Variants in SCAPER observed in about 807,000 individuals in gnomAD.
SCAPER encodes S phase cyclin A-associated protein in the endoplasmic reticulum.
Under a neutral mutation model 182.2 loss-of-function variants are expected in SCAPER, and 98 were observed. The observed-to-expected ratio is 0.54, with a 90% CI of 0.46 to 0.64. SCAPER has a LOEUF of 0.64. SCAPER is among the 30% of genes least tolerant of loss of function. The pLI is 0.00. For synonymous variants in SCAPER, 605 were observed against 564.6 expected (o/e 1.07, Z -1.01); for missense variants, 1,432 against 1,690.0 (o/e 0.85, Z 2.68).
intron 23 of SCAPER, among the ~76,000 whole-genome samples, chr15:76,505,218 A>G (rs1482723462): frequency 6.6e-6 from 1 of 152,210 alleles, no homozygotes; most frequent in Non-Finnish European, 1.5e-5. Flanking sequence ...TGGCAAGCAC[A>G]GGCAACCAAA....
intron 1 of SCAPER, among the ~76,000 whole-genome samples, chr15:76,891,205 C>A (rs189320680): frequency 6.6e-6 from 1 of 152,232 alleles, no homozygotes; most frequent in Admixed American, 6.5e-5. Flanking sequence ...AAACCCATAG[C>A]CAAGATCATA....
chr15:76,893,710 T>TA, intron 1 of SCAPER, among the ~76,000 whole-genome samples: 1 of 152,282 alleles, frequency 6.6e-6, no homozygotes, highest in South Asian at 2.1e-4. Context: ...ATTTAAATGA[T>TA]ATCAAGTATC....
chr15:76,878,259 A>C (rs1255239104), intron 2 of SCAPER, among the ~76,000 whole-genome samples: 1 of 152,220 alleles, frequency 6.6e-6, no homozygotes, highest in Non-Finnish European at 1.5e-5. Context: ...TTTCATACAC[A>C]CAAAGAGAGA....
At chr15:76,866,260 C>T (rs543773524) in intron 2 of SCAPER, among the ~76,000 whole-genome samples, 14 of 146,144 alleles carry the variant, frequency 9.6e-5, no homozygotes, top group South Asian at 4.3e-4. Flanking sequence ...TGTGTGTGTG[C>T]GTGTGTGTGT....
At chr15:76,356,989 T>C (rs985240517) in intron 29 of SCAPER, among the ~76,000 whole-genome samples, 1 of 152,136 alleles carries the variant, frequency 6.6e-6, no homozygotes, top group Admixed American at 6.5e-5. Context: ...AAATGGAACC[T>C]TGTTCCTGGA....
chr15:76,353,514 TTTTA>T (rs1440970498), intron 30 of SCAPER, among the ~76,000 whole-genome samples: 2 of 152,222 alleles, frequency 1.3e-5, no homozygotes, highest in Admixed American at 1.3e-4. Context: ...TATAACAGGT[TTTTA>T]TTTTATACAT....
chr15:76,772,268 T>C (rs940948472), intron 9 of SCAPER, among the ~76,000 whole-genome samples: 5 of 152,004 alleles, frequency 3.3e-5, no homozygotes, highest in Non-Finnish European at 7.4e-5. Flanking sequence ...CCTTCGCAAA[T>C]GAAATCTAGT....
chr15:76,667,642 A>C (rs1343622176), intron 20 of SCAPER, among the ~76,000 whole-genome samples: 7 of 102,720 alleles, frequency 6.8e-5, no homozygotes, highest in African/African-American at 3.3e-4. Context: ...AAAAAAAAAA[A>C]AAAAAAAAAA....
chr15:76,814,963 GT>G (rs1449055714), intron 5 of SCAPER, among the ~76,000 whole-genome samples: 1 of 151,772 alleles, frequency 6.6e-6, no homozygotes, highest in East Asian at 1.9e-4. Context: ...ATCTGAAGAA[GT>G]TTTTTTCCAA....
chr15:76,350,132 A>T lies in SCAPER; in HGVS notation c.4099+1105T>A, dbSNP rs953170672. 5 of 152,340 alleles carry T rather than the reference A, an allele frequency of 3.3e-5. No individual in the cohort carries two copies. In the East Asian group the frequency reaches 5.8e-4, roughly 18 times the overall value. The allele number at this position is 152,340 out of a possible 1,614,324, so 9.4% of individuals were successfully genotyped here. A position where few individuals can be genotyped will look rare whatever the true frequency, so the allele number is the denominator to read the frequency against. On this transcript the variant is annotated intron_variant, in intron 31 of 31. Coordinates refer to ENST00000563290, the MANE Select transcript of SCAPER (RefSeq NM_020843.4). ...AGTTAAAACAAAACAAAACAAAAAA[A>T]GGGCTGTGACTGGGTCAGGGCAGAA...
intron 7 of SCAPER, among the ~76,000 whole-genome samples, chr15:76,797,930 C>CA (rs57473563): frequency 0.94 from 136,100 of 144,366 alleles, 64,166 homozygotes; most frequent in South Asian, 0.99. Context: ...ACTTTTCAAC[C>CA]AAAAAAAAAA....
At chr15:76,537,793 G>A (rs913690151) in intron 23 of SCAPER, among the ~76,000 whole-genome samples, 1 of 152,118 alleles carries the variant, frequency 6.6e-6, no homozygotes, top group Non-Finnish European at 1.5e-5. Context: ...CCTACAAAAT[G>A]GGAGAAAATT....
At chr15:76,863,019 T>G (rs2072001025) in intron 2 of SCAPER, among the ~76,000 whole-genome samples, 2 of 152,210 alleles carry the variant, frequency 1.3e-5, no homozygotes, top group South Asian at 4.1e-4. Context: ...AGGATTCAAA[T>G]AATAATTGCT....
intron 23 of SCAPER, among the ~76,000 whole-genome samples, chr15:76,537,535 A>T (rs1451251512): frequency 2.6e-5 from 4 of 152,116 alleles, no homozygotes; most frequent in Non-Finnish European, 5.9e-5. Context: ...CTGAAACTGG[A>T]TCCCTTCCTT....
intron 15 of SCAPER, among the ~76,000 whole-genome samples, chr15:76,742,261 C>T (rs901842573): frequency 1.3e-5 from 2 of 151,340 alleles, no homozygotes; most frequent in African/African-American, 4.9e-5. Context: ...CAAGCTCAGG[C>T]CACTATTTCT....
intron 21 of SCAPER, among the ~76,000 whole-genome samples, chr15:76,655,470 T>C (rs2055552632): frequency 6.6e-6 from 1 of 152,186 alleles, no homozygotes; most frequent in African/African-American, 2.4e-5. Context: ...GAAAGCATAT[T>C]TGAGGACATC....
At chr15:76,549,749 C>CAA (rs61165013) in intron 23 of SCAPER, among the ~76,000 whole-genome samples, 59,917 of 151,610 alleles carry the variant, frequency 0.4, 13,955 homozygotes, top group Middle Eastern at 0.54. Flanking sequence ...AGTGTAAAAA[C>CAA]AAAAAAAAGG....
Position 76,775,025 on chromosome 15 carries a change from T to C in SCAPER, c.865A>G (p.Thr289Ala). Reference sequence around the variant, plus strand: ...TCATCCTTTGATCTTGTGGCTTCTGTTGCCAATGAAACTTTTGGCATCACT... The same window carrying C: ...TCATCCTTTGATCTTGTGGCTTCTGCTGCCAATGAAACTTTTGGCATCACT... ...TAVMPKVSLA[T>A]EATRSKDDSD... Residue 289 changes from threonine (T) to alanine (A), a missense_variant, in exon 9 of 32, where the codon ACA becomes GCA. Coordinates refer to ENST00000563290, the MANE Select transcript of SCAPER (RefSeq NM_020843.4). 6.2e-7 allele frequency: 1 copy of C among 1,613,858 alleles called. No individual in the cohort carries two copies. Among genetic ancestry groups the C allele is most frequent in the Admixed American group, 1.7e-5 (1 of 60,024 alleles).
At chr15:76,366,290 G>C (rs1378262280) in intron 29 of SCAPER, among the ~76,000 whole-genome samples, 1 of 152,180 alleles carries the variant, frequency 6.6e-6, no homozygotes, top group Non-Finnish European at 1.5e-5. Flanking sequence ...TTACTATGGA[G>C]CTTTTGGGTG....
Sources: allele counts gnomAD v4.1 joint callset (sites outside exome capture counted in the v4.1 genomes callset), GRCh38; gene constraint gnomAD v4.1.1; transcripts MANE v1.5; gene names NCBI Gene and HGNC (gene_info 2026-07-23, HGNC 2026-07-21).